SEC63: variants seen among roughly 807,000 people sequenced by gnomAD.
SEC63 encodes translocation protein SEC63 homolog.
SEC63 carries 56 observed loss-of-function variants against 116.2 expected under a neutral mutation model. The observed-to-expected ratio is 0.48, with a 90% CI of 0.39 to 0.60. The LOEUF (loss-of-function observed/expected upper bound fraction) is 0.60, where lower values mean the gene tolerates loss of function less well. Among genes scored for constraint, SEC63 ranks in the 20% least tolerant of loss-of-function variants. The pLI, the probability that SEC63 is intolerant of heterozygous loss-of-function variation, is 0.00. For synonymous variants in SEC63, 273 were observed against 294.6 expected, an observed-to-expected ratio of 0.93 and a Z score of 0.75; for missense variants, 668 against 900.0, an observed-to-expected ratio of 0.74 and a Z score of 3.30.
intron 8 of SEC63, 29 bp from the exon 9 acceptor site, chr6:107,906,806 A>G: frequency 6.7e-7 from 1 of 1,493,142 alleles, no homozygotes. Context: ...TATGAAGGTA[A>G]ATAAATATGC....
At chr6:107,934,375 C>G (rs1211127041) in intron 1 of SEC63, among the ~76,000 whole-genome samples, 1 of 150,766 alleles carries the variant, frequency 6.6e-6, no homozygotes, top group Non-Finnish European at 1.5e-5. Context: ...TGCCCGGCCG[C>G]CCATCGCCTG....
chr6:107,924,457 C>G (rs905463754), intron 3 of SEC63, among the ~76,000 whole-genome samples: 2 of 148,046 alleles, frequency 1.4e-5, no homozygotes, highest in Non-Finnish European at 3.0e-5. Context: ...GGGCGCCTAC[C>G]TGGGAGGCTG....
At chr6:107,888,219 C>T (rs952239865) in intron 16 of SEC63, among the ~76,000 whole-genome samples, 1 of 152,182 alleles carries the variant, frequency 6.6e-6, no homozygotes, top group Non-Finnish European at 1.5e-5. Context: ...TTCTTCCTAT[C>T]CATGAGCATG....
intron 1 of SEC63, among the ~76,000 whole-genome samples, chr6:107,948,964 G>T (rs552329170): frequency 2.2e-4 from 34 of 152,270 alleles, no homozygotes; most frequent in South Asian, 1.0e-3. Flanking sequence ...GGGATGTGGG[G>T]AATCACTCTG....
intron 18 of SEC63, among the ~76,000 whole-genome samples, chr6:107,880,240 G>T (rs540471043): frequency 6.6e-6 from 1 of 152,176 alleles, no homozygotes; most frequent in Non-Finnish European, 1.5e-5. Flanking sequence ...AATTATTTAC[G>T]AATTTGCCTT....
At chr6:107,877,905 TGAC>T (rs1786318049) in intron 18 of SEC63, among the ~76,000 whole-genome samples, 2 of 152,178 alleles carry the variant, frequency 1.3e-5, no homozygotes, top group African/African-American at 2.4e-5. Flanking sequence ...AATAAATAAA[TGAC>T]AAGTACACGG....
chr6:107,872,710 C>T, intron 20 of SEC63, 98 bp downstream of exon 20: 1 of 756,558 alleles, frequency 1.3e-6, no homozygotes. Flanking sequence ...ACTTCTTTTT[C>T]CTTCCATAAC....
chr6:107,917,508 A>C (rs1787435623), intron 4 of SEC63, among the ~76,000 whole-genome samples: 1 of 152,234 alleles, frequency 6.6e-6, no homozygotes, highest in Non-Finnish European at 1.5e-5. Context: ...GCTAGAAATG[A>C]CTAAGCTTAG....
At chr6:107,934,099 G>A (rs1208172103) in intron 1 of SEC63, among the ~76,000 whole-genome samples, 1 of 152,128 alleles carries the variant, frequency 6.6e-6, no homozygotes, top group Non-Finnish European at 1.5e-5. Flanking sequence ...CGCCTGCCTT[G>A]GCCTCCCAAA....
intron 5 of SEC63, among the ~76,000 whole-genome samples, chr6:107,913,122 T>C (rs1562326601): frequency 1.3e-5 from 2 of 152,170 alleles, no homozygotes. Context: ...CCTCCAAATT[T>C]TTATCAACTA....
intron 14 of SEC63, 131 bp from the exon 15 acceptor site, chr6:107,894,028 G>A (rs934827697): frequency 2.1e-5 from 20 of 939,428 alleles, no homozygotes; most frequent in South Asian, 1.3e-4. Context: ...AGAAGGAGAC[G>A]TTTAGCAATT....
chr6:107,912,362 G>A (rs1287017715), intron 6 of SEC63, among the ~76,000 whole-genome samples: 3 of 152,122 alleles, frequency 2.0e-5, no homozygotes, highest in Non-Finnish European at 4.4e-5. Context: ...ATAACTTGAG[G>A]TCAGGAGTTT....
chr6:107,867,877 C>T lies in SEC63; in HGVS notation c.*3827G>A, dbSNP rs1183363214. On this transcript the variant is annotated 3_prime_UTR_variant, in exon 21 of 21. Transcript: ENST00000369002. ...AAGGATGAGATTAAATACAAATAAT[C>T]ATCTTAATACTTCCTCAATGGATTG... is the stretch of plus-strand genomic sequence containing the variant. 8 of 152,032 alleles carry T rather than the reference C, an allele frequency of 5.3e-5. No homozygotes were observed. The highest frequency in any genetic ancestry group is 5.2e-4 in the Admixed American group (8 of 15,276). The allele number at this position is 152,032 out of a possible 1,614,324, so 9.4% of individuals were successfully genotyped here.
chr6:107,905,107 A>G (rs756508650), intron 10 of SEC63, among the ~76,000 whole-genome samples: 11 of 152,344 alleles, frequency 7.2e-5, no homozygotes, highest in South Asian at 2.1e-4. Flanking sequence ...GAAGAGAAGA[A>G]GAGGGCAACT....
chr6:107,938,595 C>T (rs1770307538), intron 1 of SEC63, among the ~76,000 whole-genome samples: 1 of 149,788 alleles, frequency 6.7e-6, no homozygotes, highest in Non-Finnish European at 1.5e-5. Context: ...CGGAGTCTCA[C>T]TCTGTCACCC....
chr6:107,945,746 A>G, intron 1 of SEC63, among the ~76,000 whole-genome samples: 1 of 152,086 alleles, frequency 6.6e-6, no homozygotes, highest in Admixed American at 6.6e-5. Flanking sequence ...CAATTTATGA[A>G]TACATTTGTA....
intron 4 of SEC63, among the ~76,000 whole-genome samples, chr6:107,916,048 G>C (rs1465486026): frequency 6.6e-6 from 1 of 151,260 alleles, no homozygotes; most frequent in South Asian, 2.1e-4. Context: ...ACACATCATA[G>C]TCAGATTTCC....
chr6:107,944,533 C>T (rs1770441340), intron 1 of SEC63, among the ~76,000 whole-genome samples: 1 of 151,982 alleles, frequency 6.6e-6, no homozygotes, highest in African/African-American at 2.4e-5. Flanking sequence ...CCCGTCTGTA[C>T]TAAAAATACA....
chr6:107,956,664 A>G (rs1050162735), intron 1 of SEC63, among the ~76,000 whole-genome samples: 3 of 152,144 alleles, frequency 2.0e-5, no homozygotes, highest in African/African-American at 4.8e-5. Flanking sequence ...CTTTGTTACT[A>G]TTTATCCTAA....
Sources: allele counts gnomAD v4.1 joint callset (sites outside exome capture counted in the v4.1 genomes callset), GRCh38; gene constraint gnomAD v4.1.1; transcripts MANE v1.5; gene names NCBI Gene and HGNC (gene_info 2026-07-23, HGNC 2026-07-21).